Variants in DLGAP2 observed in about 807,000 individuals in gnomAD.
The protein encoded by DLGAP2 is disks large-associated protein 2.
In DLGAP2, 26 loss-of-function variants were observed where a neutral mutation model predicts 100.3. The observed-to-expected ratio is 0.26, with a 90% CI of 0.19 to 0.36. The LOEUF is 0.36. Ranked by LOEUF, DLGAP2 falls within the 10% of genes least tolerant of loss-of-function variation. The pLI is 1.00. For synonymous variants in DLGAP2, 886 were observed against 630.1 expected (o/e 1.41, Z -6.08); for missense variants, 1,858 against 1,453.2 (o/e 1.28, Z -4.53).
intron 1 of DLGAP2, among the ~76,000 whole-genome samples, chr8:849,985 A>T (rs1379734201): frequency 6.6e-6 from 1 of 150,484 alleles, no homozygotes; most frequent in Middle Eastern, 3.2e-3. Context: ...AATTGCTTGA[A>T]CCTGGGAGGC....
intron 2 of DLGAP2, among the ~76,000 whole-genome samples, chr8:1,202,120 T>C (rs1172812300): frequency 2.0e-5 from 3 of 151,228 alleles, no homozygotes; most frequent in African/African-American, 7.4e-5. Context: ...CATCTGTGTA[T>C]CTGTGTGTCT....
chr8:1,224,842 CTA>C (rs1462269542), intron 2 of DLGAP2, among the ~76,000 whole-genome samples: 11 of 152,234 alleles, frequency 7.2e-5, no homozygotes, highest in African/African-American at 2.7e-4. Context: ...ATGCTTAAAA[CTA>C]TGAGTCCCTG....
intron 2 of DLGAP2, among the ~76,000 whole-genome samples, chr8:948,714 C>G (rs1799396522): frequency 6.6e-6 from 1 of 152,268 alleles, no homozygotes; most frequent in South Asian, 2.1e-4. Context: ...CCAGCGCAGC[C>G]CAGGCCACCC....
At chr8:1,338,684 C>T (rs73670772) in intron 3 of DLGAP2, among the ~76,000 whole-genome samples, 1 of 152,058 alleles carries the variant, frequency 6.6e-6, no homozygotes, top group Non-Finnish European at 1.5e-5. Flanking sequence ...AAGACACGAT[C>T]TGTACAGTAT....
At chr8:898,516 C>T (rs971653943) in intron 1 of DLGAP2, among the ~76,000 whole-genome samples, 5 of 152,178 alleles carry the variant, frequency 3.3e-5, no homozygotes, top group African/African-American at 1.2e-4. Context: ...ATCCATTTCT[C>T]TAGTCACGGA....
At chr8:781,857 G>C (rs1267520653) in intron 1 of DLGAP2, among the ~76,000 whole-genome samples, 3 of 152,034 alleles carry the variant, frequency 2.0e-5, no homozygotes, top group African/African-American at 4.8e-5. Flanking sequence ...ATAATTTTTT[G>C]TTTCTTTTGT....
At chr8:1,659,417 G>A (rs1178082886) in intron 8 of DLGAP2, among the ~76,000 whole-genome samples, 2 of 152,122 alleles carry the variant, frequency 1.3e-5, no homozygotes, top group African/African-American at 4.8e-5. Flanking sequence ...CTGTCTCATT[G>A]ATCTGTCTAA....
At chr8:1,201,059 C>T (rs1276346446) in intron 2 of DLGAP2, among the ~76,000 whole-genome samples, 8 of 152,144 alleles carry the variant, frequency 5.3e-5, no homozygotes, top group African/African-American at 1.9e-4. Context: ...AGCGGCCAGG[C>T]GGGTGCCGAG....
chr8:1,542,690 C>T (rs914540557), intron 4 of DLGAP2, among the ~76,000 whole-genome samples: 5 of 152,212 alleles, frequency 3.3e-5, no homozygotes, highest in African/African-American at 9.7e-5. Context: ...TGAATGATGT[C>T]GCTGTAAGCA....
chr8:775,141 C>G (rs1821479719), intron 1 of DLGAP2, among the ~76,000 whole-genome samples: 1 of 151,954 alleles, frequency 6.6e-6, no homozygotes, highest in Admixed American at 6.6e-5. Flanking sequence ...CATGATTTGG[C>G]TCTGTGTTTG....
chr8:751,332 C>T (rs1312582412), intron 1 of DLGAP2, among the ~76,000 whole-genome samples: 12 of 150,500 alleles, frequency 8.0e-5, no homozygotes, highest in African/African-American at 2.9e-4. Context: ...GGAGCATTTT[C>T]CTGGATCTCC....
At chr8:892,527 G>T (rs150575266) in intron 1 of DLGAP2, among the ~76,000 whole-genome samples, 5 of 152,090 alleles carry the variant, frequency 3.3e-5, no homozygotes, top group African/African-American at 9.7e-5. Flanking sequence ...TAGAATGGGG[G>T]GTGCCAGGGG....
At chr8:1,379,347 C>T (rs553832908) in intron 3 of DLGAP2, among the ~76,000 whole-genome samples, 1 of 152,250 alleles carries the variant, frequency 6.6e-6, no homozygotes, top group Non-Finnish European at 1.5e-5. Context: ...TAAGTCATGT[C>T]CCTGGCACAG....
At chr8:1,189,128 C>T (rs1248665948) in intron 2 of DLGAP2, among the ~76,000 whole-genome samples, 1 of 138,126 alleles carries the variant, frequency 7.2e-6, no homozygotes, top group African/African-American at 3.4e-5. Context: ...GGCCCCATGG[C>T]GGTTCCGCTG....
At chr8:1,198,352 C>T (rs1797799229) in intron 2 of DLGAP2, among the ~76,000 whole-genome samples, 5 of 152,196 alleles carry the variant, frequency 3.3e-5, no homozygotes, top group African/African-American at 7.2e-5. Flanking sequence ...ACAGCTTCGT[C>T]GTGGGGCGTC....
At chr8:1,248,590 A>G (rs1248454166) in intron 2 of DLGAP2, 1 of 146,026 alleles carries the variant, frequency 6.8e-6, no homozygotes, top group African/African-American at 2.6e-5. Flanking sequence ...GACCTTTGAG[A>G]TCAGTGTAGG....
chr8:1,454,813 A>G, intron 3 of DLGAP2, among the ~76,000 whole-genome samples: 1 of 152,184 alleles, frequency 6.6e-6, no homozygotes, highest in East Asian at 1.9e-4. Flanking sequence ...CCCACTGAGC[A>G]CTCAGACCTT....
chr8:1,056,653 G>A (rs1408536763), intron 2 of DLGAP2, among the ~76,000 whole-genome samples: 2 of 152,248 alleles, frequency 1.3e-5, no homozygotes, highest in African/African-American at 4.8e-5. Context: ...GATTTATACA[G>A]GGATGCGTTA....
Position 1,601,945 on chromosome 8 carries a change from G to GATGTGTGTGTGTGT in DLGAP2, c.1443-24795_1443-24794insATGTGTGTGTGTGT, listed in dbSNP as rs1554506576. Reference sequence around the variant, plus strand: ...TGATCCTAAAACCTTAATTTAACAGGGTGTGTGTGTGTGTGTGTGTGTGTG... The same window carrying GATGTGTGTGTGTGT: ...TGATCCTAAAACCTTAATTTAACAGGATGTGTGTGTGTGTGTGTGTGTGTGTGTGTGTGTGTGTG... On this transcript the variant is annotated intron_variant, in intron 6 of 14. Coordinates refer to ENST00000637795, the MANE Select transcript of DLGAP2 (RefSeq NM_001346810.2). Among the ~76,000 whole-genome samples the GATGTGTGTGTGTGT allele has an allele frequency of 7.9e-3, 1,164 of 146,444 alleles. 9 individuals are homozygous for GATGTGTGTGTGTGT. Among genetic ancestry groups the GATGTGTGTGTGTGT allele is most frequent in the Non-Finnish European group, 9.1e-3 (606 of 66,730 alleles).
Sources: allele counts gnomAD v4.1 joint callset (sites outside exome capture counted in the v4.1 genomes callset), GRCh38; gene constraint gnomAD v4.1.1; transcripts MANE v1.5; gene names NCBI Gene and HGNC (gene_info 2026-07-23, HGNC 2026-07-21).